KIF20B: variants seen among roughly 807,000 people sequenced by gnomAD.
The protein encoded by KIF20B is kinesin-like protein KIF20B.
In KIF20B, 188 loss-of-function variants were observed where a neutral mutation model predicts 232.5. The ratio of observed to expected loss-of-function variants is 0.81; its 90% confidence interval spans 0.72 to 0.91. The LOEUF (loss-of-function observed/expected upper bound fraction) is 0.91, where lower values mean the gene tolerates loss of function less well. Among genes scored for constraint, KIF20B ranks in the 40% least tolerant of loss-of-function variants. KIF20B has a pLI of 0.00. For synonymous variants in KIF20B, 712 were observed against 683.0 expected, an observed-to-expected ratio of 1.04 and a Z score of -0.66; for missense variants, 2,154 against 2,055.9, an observed-to-expected ratio of 1.05 and a Z score of -0.92.
chr10:89,722,794 A>G (rs1313317388), intron 13 of KIF20B, among the ~76,000 whole-genome samples: 2 of 152,178 alleles, frequency 1.3e-5, no homozygotes, highest in Non-Finnish European at 2.9e-5. Context: ...TTATTAAAAT[A>G]GTATTATGTA....
At chr10:89,743,665 T>C in intron 21 of KIF20B, 143 bp from the exon 22 acceptor site, 1 of 471,226 alleles carries the variant, frequency 2.1e-6, no homozygotes, top group Non-Finnish European at 3.7e-6. Flanking sequence ...TGTGTTTGAT[T>C]TGTAGTATAT....
In KIF20B at chr10:89,724,101, T is replaced by A. The variant is rs1297861852; in HGVS notation, c.1860T>A (p.Phe620Leu). The change falls in exon 14 of 33, where the codon TTT (phenylalanine) becomes TTA (leucine). Residue 620 changes from phenylalanine (F) to leucine (L), a missense_variant and splice_region_variant. Coordinates refer to ENST00000371728, the MANE Select transcript of KIF20B (RefSeq NM_001284259.2). ...TQYWAQREADFKETLLQEREI... is the reference protein window; with the variant it reads ...TQYWAQREADLKETLLQEREI... ...ATTGGGCTCAACGGGAAGCTGACTT[T>A]AAGTAAGTTATTTATTTCATGTCCA... The A allele has an allele frequency of 6.7e-7, 1 of 1,482,158 alleles. No homozygotes were observed. Among genetic ancestry groups the A allele is most frequent in the African/African-American group, 1.5e-5 (1 of 68,680 alleles). 91.8% of individuals were successfully genotyped at this position (1,482,158 alleles called of 1,614,324 possible). A position where few individuals can be genotyped will look rare whatever the true frequency, so the allele number is the denominator to read the frequency against.
rs1449803260 is a variant in KIF20B, at chr10:89,728,433, G to A, written c.2271+537G>A. Among the ~76,000 whole-genome samples, 5 of 152,236 alleles carry A rather than the reference G, an allele frequency of 3.3e-5. No individual in the cohort carries two copies. In the East Asian group the frequency reaches 5.8e-4, roughly 18 times the overall value. On this transcript the variant is annotated intron_variant, in intron 17 of 32. Coordinates refer to ENST00000371728, the MANE Select transcript of KIF20B (RefSeq NM_001284259.2). ...TACCATTTACCAGATACTCCTTCAA[G>A]TGCTTTTTATTAACTCATTTAAATG... is the stretch of plus-strand genomic sequence containing the variant.
intron 25 of KIF20B, 127 bp downstream of exon 25, chr10:89,752,818 G>A: frequency 1.7e-6 from 1 of 581,352 alleles, no homozygotes; most frequent in Non-Finnish European, 2.6e-6. Context: ...CCTGGCAAAT[G>A]TTAATATGTA....
At chr10:89,771,573 T>C (rs1842462874) in intron 31 of KIF20B, among the ~76,000 whole-genome samples, 1 of 152,088 alleles carries the variant, frequency 6.6e-6, no homozygotes, top group African/African-American at 2.4e-5. Flanking sequence ...CTCTTACTCA[T>C]ATTTGCATAT....
At chr10:89,748,090 A>G (rs1012568843) in intron 23 of KIF20B, among the ~76,000 whole-genome samples, 5 of 152,080 alleles carry the variant, frequency 3.3e-5, no homozygotes, top group Non-Finnish European at 7.4e-5. Flanking sequence ...GCTCACTGCA[A>G]CCTCCGCCTT....
Position 89,752,679 on chromosome 10 carries a change from A to G in KIF20B, c.4335A>G (p.Gln1445=). Reference sequence around the variant, plus strand: ...TGCTTGGAAAGCTCACTAATCTTCAAGATGAGTTACAGGTATGACTTTATG... The same window carrying G: ...TGCTTGGAAAGCTCACTAATCTTCAGGATGAGTTACAGGTATGACTTTATG... ...TDVLGKLTNL[Q]DELQESEQKY... is the part of the protein sequence containing the mutation. Residue 1445 remains glutamine (Q), a synonymous_variant, in exon 25 of 33, where the codon CAA becomes CAG. Coordinates refer to ENST00000371728, the MANE Select transcript of KIF20B (RefSeq NM_001284259.2). 4 of 1,574,794 alleles carry G rather than the reference A, an allele frequency of 2.5e-6. No homozygotes were observed. The highest frequency in any genetic ancestry group is 3.4e-6 in the Non-Finnish European group (4 of 1,162,138).
At chr10:89,755,206 C>T (rs766957753) in intron 26 of KIF20B, among the ~76,000 whole-genome samples, 47 of 152,222 alleles carry the variant, frequency 3.1e-4, no homozygotes, top group Admixed American at 1.4e-3. Context: ...ATCGTTAATC[C>T]GAGGAAAGCT....
Position 89,711,062 on chromosome 10 carries a change from T to G in KIF20B, c.592T>G (p.Ser198Ala). ...YTKMNLKPHR[S>A]REYLRLSSEQ... Reference sequence around the variant, plus strand: ...AAAGATGAACCTTAAACCACATAGATCCAGAGAATACTTAAGGTTATCATC... The same window carrying G: ...AAAGATGAACCTTAAACCACATAGAGCCAGAGAATACTTAAGGTTATCATC... The change falls in exon 6 of 33, where the codon TCC (serine) becomes GCC (alanine). Residue 198 changes from serine to alanine, a missense_variant. Coordinates refer to ENST00000371728, the MANE Select transcript of KIF20B (RefSeq NM_001284259.2). 4 of 1,607,610 alleles carry G rather than the reference T, an allele frequency of 2.5e-6. No homozygotes were observed. Among genetic ancestry groups the G allele is most frequent in the Non-Finnish European group, 3.4e-6 (4 of 1,176,086 alleles).
intron 26 of KIF20B, among the ~76,000 whole-genome samples, chr10:89,757,026 G>GTA (rs1842135058): frequency 1.1e-5 from 1 of 92,674 alleles, no homozygotes; most frequent in Admixed American, 1.3e-4. Context: ...TCTCTGTTGT[G>GTA]TGTGTGTGTG....
chr10:89,757,022 TTGTG>T (rs377304425), intron 26 of KIF20B, among the ~76,000 whole-genome samples: 3,948 of 122,832 alleles, frequency 0.032, 421 homozygotes, highest in East Asian at 0.31. Context: ...TATATCTCTG[TTGTG>T]TGTGTGTGTG....
At chr10:89,757,069 TAC>T (rs1554852937) in intron 26 of KIF20B, among the ~76,000 whole-genome samples, 385 of 134,346 alleles carry the variant, frequency 2.9e-3, no homozygotes, top group African/African-American at 1.0e-2. Flanking sequence ...TATATATATA[TAC>T]ACACATGACA....
chr10:89,719,735 C>T lies in KIF20B; in HGVS notation c.1722+29C>T, dbSNP rs200574111. On this transcript the variant is annotated intron_variant, in intron 13 of 32. Transcript: ENST00000371728. ...TGTATTAAGAACTCATACTTCTATGCTTGTCTTCTTATTCTGAAGTTAAGG... is the reference window on the plus strand; with the variant it reads ...TGTATTAAGAACTCATACTTCTATGTTTGTCTTCTTATTCTGAAGTTAAGG... 75 of 1,507,066 alleles carry T rather than the reference C, an allele frequency of 5.0e-5. No individual in the cohort carries two copies. The African/African-American group carries it at 1.0e-3, about 20-fold the overall frequency. 93.4% of individuals were successfully genotyped at this position (1,507,066 alleles called of 1,614,324 possible).
chr10:89,772,178 ATTCTAC>A (rs920007211), intron 31 of KIF20B, among the ~76,000 whole-genome samples: 1 of 152,096 alleles, frequency 6.6e-6, no homozygotes, highest in Admixed American at 6.6e-5. Context: ...AAAAATTCCT[ATTCTAC>A]TTCCCTAAAA....
rs574747232 is a variant in KIF20B at position 89,736,199 on chromosome 10, G to A, written c.2546-1188G>A. On this transcript the variant is annotated intron_variant, in intron 19 of 32. Coordinates refer to ENST00000371728, the MANE Select transcript of KIF20B (RefSeq NM_001284259.2). ...AAAACAGGAAAAAATTTCTAAAAAC[G>A]AAGAGTCAGATTCTGGCCTGTTTTG... Among the ~76,000 whole-genome samples the A allele has an allele frequency of 2.0e-5, 3 of 152,216 alleles. No individual in the cohort carries two copies. In the South Asian group the frequency reaches 6.2e-4, roughly 32 times the overall value.
chr10:89,771,241 CTTAGCACTT>C (rs1366215365), intron 31 of KIF20B, among the ~76,000 whole-genome samples: 1 of 151,902 alleles, frequency 6.6e-6, no homozygotes, highest in Non-Finnish European at 1.5e-5. Context: ...TATTTTTTGT[CTTAGCACTT>C]TTTAAACTGT....
In KIF20B at chr10:89,768,777, C is replaced by T. The variant is rs148623215; in HGVS notation, c.5131C>T (p.Arg1711Trp). 18 of 1,600,540 alleles carry T rather than the reference C, an allele frequency of 1.1e-5. No homozygotes were observed. The highest frequency in any genetic ancestry group is 5.4e-5 in the African/African-American group (4 of 73,816). The change falls in exon 31 of 33, where the codon CGG becomes TGG. Residue 1711 changes from arginine (R) to tryptophan (W), a missense_variant. Transcript: ENST00000371728. ...RPSSKKTYSL[R>W]SQASIIGVNL... Reference sequence around the variant, plus strand: ...ATCATCTAAGAAAACATATTCTTTACGGAGTCAGGCATCCATAATTGGTGT... The same window carrying T: ...ATCATCTAAGAAAACATATTCTTTATGGAGTCAGGCATCCATAATTGGTGT...
Position 89,717,428 on chromosome 10 carries a change from A to C in KIF20B, c.1057A>C (p.Ser353Arg). ...KLNNASSRSH[S>R]IFTVKILQIE... ...CATTTGATCTTTGTATTTCAGTCAC[A>C]GCATATTCACTGTTAAAATATTACA... Residue 353 changes from serine to arginine, a missense_variant, in exon 10 of 33, where the codon AGC (serine) becomes CGC (arginine). By Grantham distance (110) the Ser-to-Arg change is moderately radical (BLOSUM62 -1). Transcript: ENST00000371728. 1.9e-6 allele frequency: 3 copies of C among 1,568,050 alleles called. No individual in the cohort carries two copies. The East Asian group carries it at 6.8e-5, about 35-fold the overall frequency.
At position 89,716,476 on chromosome 10, in the gene KIF20B, T is replaced by C; in HGVS notation, c.981T>C (p.Tyr327=). Residue 327 remains tyrosine, a synonymous_variant, in exon 9 of 33, where the codon TAT becomes TAC. Coordinates refer to ENST00000371728, the MANE Select transcript of KIF20B (RefSeq NM_001284259.2). ...WIQVSDSKEA[Y]RLLKLGIKHQ... is the part of the protein sequence containing the mutation. ...AAGTATCTGATTCCAAAGAAGCCTA[T>C]AGACTTTTAAAACTAGGAATAAAGC... The C allele has an allele frequency of 1.3e-6, 2 of 1,585,616 alleles. No individual in the cohort carries two copies. The highest frequency in any genetic ancestry group is 1.7e-6 in the Non-Finnish European group (2 of 1,162,036).
Sources: gnomAD v4.1 joint callset for allele counts (sites outside exome capture counted in the v4.1 genomes callset) on GRCh38, gnomAD v4.1.1 for gene constraint, MANE v1.5 for transcripts, NCBI Gene and HGNC (gene_info 2026-07-23, HGNC 2026-07-21) for gene names.